The following WDPCP variants were observed in gnomAD, a reference collection of about 807,000 sequenced individuals.
The protein encoded by WDPCP is WD repeat-containing and planar cell polarity effector protein fritz homolog.
WDPCP carries 71 observed loss-of-function variants against 93.1 expected under a neutral mutation model. The ratio of observed to expected loss-of-function variants is 0.76; its 90% CI spans 0.63 to 0.93. The LOEUF (loss-of-function observed/expected upper bound fraction) is 0.93, where lower values mean the gene tolerates loss of function less well. Among genes scored for constraint, WDPCP ranks in the 40% least tolerant of loss-of-function variants. WDPCP has a pLI of 0.00. For synonymous variants in WDPCP, 315 were observed against 315.0 expected, an observed-to-expected ratio of 1.00 and a Z score of 0.00; for missense variants, 844 against 887.4, an observed-to-expected ratio of 0.95 and a Z score of 0.62.
intron 15 of WDPCP, 63 bp downstream of exon 15, chr2:63,174,607 C>T (rs924589632): frequency 7.5e-6 from 12 of 1,595,614 alleles, no homozygotes; most frequent in East Asian, 2.2e-5. Flanking sequence ...GCTATTAGTT[C>T]GCATTTGAAC....
intron 14 of WDPCP, among the ~76,000 whole-genome samples, chr2:63,238,003 A>T (rs1040170240): frequency 1.0e-4 from 10 of 100,100 alleles, no homozygotes; most frequent in Non-Finnish European, 2.5e-4. Flanking sequence ...AATATTTTCT[A>T]AAAAAAAAAA....
chr2:63,219,182 C>T (rs1677607642), intron 14 of WDPCP, among the ~76,000 whole-genome samples: 2 of 152,130 alleles, frequency 1.3e-5, no homozygotes, highest in South Asian at 4.1e-4. Flanking sequence ...CTGAATTCAC[C>T]TCTGGGCATT....
chr2:63,561,551 A>C (rs1706627354), intron 1 of WDPCP, among the ~76,000 whole-genome samples: 1 of 152,104 alleles, frequency 6.6e-6, no homozygotes, highest in Non-Finnish European at 1.5e-5. Context: ...GAAACTAAAG[A>C]GCTTCTGCAT....
intron 2 of WDPCP, among the ~76,000 whole-genome samples, chr2:63,685,386 C>G (rs1668791023): frequency 6.6e-6 from 1 of 152,152 alleles, no homozygotes; most frequent in African/African-American, 2.4e-5. Context: ...CATGTACAAC[C>G]TATCAAGATT....
intron 14 of WDPCP, among the ~76,000 whole-genome samples, chr2:63,239,244 C>G (rs781001580): frequency 6.6e-6 from 1 of 152,158 alleles, no homozygotes; most frequent in African/African-American, 2.4e-5. Context: ...GACGGAGTCT[C>G]GCTCTTTCAC....
rs1205500204 is a variant in WDPCP, at chr2:63,578,102, CTG to C, written c.75+10093_75+10094del. Among the ~76,000 whole-genome samples the C allele has an allele frequency of 2.0e-5, 3 of 152,084 alleles. No individual in the cohort carries two copies. In the East Asian group the frequency reaches 5.8e-4, roughly 29 times the overall value. ...ATAACAGAAAAGTTAAAAAAATACA[CTG>C]TGTTATATTTATATCTCTTAATCAG... On this transcript the variant is annotated intron_variant, in intron 1 of 17. Transcript: ENST00000272321.
intron 3 of WDPCP, chr2:63,594,533 G>T (rs137923103): frequency 2.7e-5 from 44 of 1,613,706 alleles, no homozygotes; most frequent in Non-Finnish European, 3.5e-5. Context: ...TGGTCAAATT[G>T]CATATTCACT....
At chr2:63,369,218 G>C (rs1691182565) in intron 12 of WDPCP, 1 of 324,116 alleles carries the variant, frequency 3.1e-6, no homozygotes, top group South Asian at 2.7e-5. Context: ...ATTTCTGCTG[G>C]TACTATAATC....
intron 2 of WDPCP, among the ~76,000 whole-genome samples, chr2:63,810,036 C>T (rs1390649445): frequency 6.6e-6 from 1 of 152,126 alleles, no homozygotes; most frequent in Non-Finnish European, 1.5e-5. Flanking sequence ...CCACACTACT[C>T]TACAACATTT....
chr2:63,182,804 CT>C (rs1674348864), intron 14 of WDPCP, among the ~76,000 whole-genome samples: 1 of 121,164 alleles, frequency 8.3e-6, no homozygotes, highest in Non-Finnish European at 1.7e-5. Context: ...CCTTAGGAGA[CT>C]TTTTTGTTAC....
chr2:63,314,433 AGT>A (rs1235032787), intron 12 of WDPCP, among the ~76,000 whole-genome samples: 1 of 152,172 alleles, frequency 6.6e-6, no homozygotes, highest in African/African-American at 2.4e-5. Context: ...GCGTCCCAAA[AGT>A]GCTGGGATTA....
intron 2 of WDPCP, chr2:63,684,626 C>T (rs532932348): frequency 1.6e-4 from 116 of 710,982 alleles, no homozygotes; most frequent in African/African-American, 1.5e-3. Flanking sequence ...TGCTCTTAAA[C>T]GCAAGGCCTG....
intron 14 of WDPCP, among the ~76,000 whole-genome samples, chr2:63,251,431 C>T (rs1680705585): frequency 6.6e-6 from 1 of 151,280 alleles, no homozygotes; most frequent in Non-Finnish European, 1.5e-5. Flanking sequence ...GAAAGTGAAA[C>T]CCTGAACAGA....
Position 63,604,702 on chromosome 2 carries a change from C to T in WDPCP, n.488+45957G>A, listed in dbSNP as rs371192240. 18 of 1,612,916 alleles carry T rather than the reference C, an allele frequency of 1.1e-5. No individual in the cohort carries two copies. The highest frequency in any genetic ancestry group is 1.5e-5 in the Non-Finnish European group (18 of 1,179,592). ...TTGTTTTCAATTTAACTAGATTGCT[C>T]TTAAACTTGGTGTGACTGCTAATGA... On this transcript the variant is annotated intron_variant and non_coding_transcript_variant, in intron 3 of 4. Coordinates refer to the WDPCP transcript ENST00000467687.
At chr2:63,533,879 T>C (rs1037156905) in intron 1 of WDPCP, among the ~76,000 whole-genome samples, 2 of 79,366 alleles carry the variant, frequency 2.5e-5, no homozygotes, top group African/African-American at 6.9e-5. Context: ...CTGAAGGAGA[T>C]AGAGACACAA....
intron 6 of WDPCP, among the ~76,000 whole-genome samples, chr2:63,465,771 T>C (rs1699308754): frequency 1.3e-5 from 2 of 152,204 alleles, no homozygotes; most frequent in African/African-American, 4.8e-5. Context: ...TCCTGTTCTA[T>C]GCTGATTATT....
intron 3 of WDPCP, among the ~76,000 whole-genome samples, chr2:63,615,999 G>GC (rs1709669742): frequency 6.6e-6 from 1 of 152,170 alleles, no homozygotes; most frequent in Non-Finnish European, 1.5e-5. Context: ...CAGAGTTAAT[G>GC]CTCTCCTGTT....
chr2:63,686,686 G>A (rs1051179608), intron 2 of WDPCP, among the ~76,000 whole-genome samples: 12 of 152,082 alleles, frequency 7.9e-5, no homozygotes, highest in Admixed American at 3.3e-4. Flanking sequence ...CAGTACTATA[G>A]TAACCAAAAC....
intron 2 of WDPCP, among the ~76,000 whole-genome samples, chr2:63,784,612 C>A (rs557703585): frequency 6.7e-6 from 1 of 149,966 alleles, no homozygotes; most frequent in Non-Finnish European, 1.5e-5. Flanking sequence ...GAATATGAAA[C>A]TTCTAGAGGG....
Sources: allele counts gnomAD v4.1 joint callset (sites outside exome capture counted in the v4.1 genomes callset), GRCh38; gene constraint gnomAD v4.1.1; transcripts MANE v1.5; gene names NCBI Gene and HGNC (gene_info 2026-07-23, HGNC 2026-07-21).